Variants in MARK3 observed in about 807,000 individuals in gnomAD.
MARK3 encodes the protein MAP/microtubule affinity-regulating kinase 3.
MARK3 carries 46 observed loss-of-function variants against 90.1 expected under a neutral mutation model. The ratio of observed to expected loss-of-function variants is 0.51; its 90% CI spans 0.40 to 0.65. The LOEUF (loss-of-function observed/expected upper bound fraction) is 0.65. MARK3 is among the 30% of genes least tolerant of loss of function. MARK3 has a pLI of 0.00. For synonymous variants in MARK3, 321 were observed against 332.6 expected (o/e 0.97, Z 0.38); for missense variants, 818 against 947.2 (o/e 0.86, Z 1.79).
In MARK3 at chr14:103,444,561, G is replaced by A. The variant is rs573688234; in HGVS notation, c.298-4358G>A. On this transcript the variant is annotated intron_variant, in intron 3 of 17. Transcript: ENST00000429436. ...TGGGAGGCCGAGGCGGGCGGATCAC[G>A]AGGTCAGGAGATCGAGACCATCCTG... 4.1e-3 allele frequency among the ~76,000 whole-genome samples: 625 copies of A among 152,198 alleles called. 7 individuals are homozygous for A. The highest frequency in any genetic ancestry group is 0.014 in the African/African-American group (596 of 41,538).
At chr14:103,464,014 A>C (rs1165882386) in intron 7 of MARK3, among the ~76,000 whole-genome samples, 1 of 152,146 alleles carries the variant, frequency 6.6e-6, no homozygotes, top group East Asian at 1.9e-4. Flanking sequence ...CACATCCATT[A>C]TGATCAGATG....
chr14:103,463,273 C>A (rs572455386), intron 7 of MARK3, among the ~76,000 whole-genome samples: 1 of 151,930 alleles, frequency 6.6e-6, no homozygotes, highest in Non-Finnish European at 1.5e-5. Flanking sequence ...TTGGCACTCA[C>A]TTTCACTCTC....
chr14:103,438,150 G>A (rs1364449347), intron 3 of MARK3, among the ~76,000 whole-genome samples: 10 of 152,086 alleles, frequency 6.6e-5, no homozygotes, highest in African/African-American at 1.9e-4. Context: ...ACAGGCACCC[G>A]CCACCACGCC....
At chr14:103,407,052 C>G (rs979362479) in intron 2 of MARK3, among the ~76,000 whole-genome samples, 2 of 152,004 alleles carry the variant, frequency 1.3e-5, no homozygotes, top group Admixed American at 6.6e-5. Flanking sequence ...CCAGGATGGT[C>G]TCGATCTCAT....
chr14:103,459,107 C>A (rs1376417242), intron 6 of MARK3, among the ~76,000 whole-genome samples: 1 of 152,138 alleles, frequency 6.6e-6, no homozygotes, highest in Non-Finnish European at 1.5e-5. Flanking sequence ...AAATTGGCCA[C>A]CTAAAAGGGA....
intron 15 of MARK3, among the ~76,000 whole-genome samples, chr14:103,492,762 G>A (rs1333619052): frequency 6.6e-6 from 1 of 152,028 alleles, no homozygotes; most frequent in Non-Finnish European, 1.5e-5. Flanking sequence ...CTTCATTTCC[G>A]TAACCTTGTT....
intron 2 of MARK3, chr14:103,412,433 G>GAAGCCA: frequency 1.7e-6 from 1 of 573,956 alleles, no homozygotes; most frequent in Non-Finnish European, 3.1e-6. Context: ...CAGAGACTCT[G>GAAGCCA]AAGCCAAAAA....
chr14:103,465,928 A>G (rs750878453), intron 8 of MARK3, 44 bp from the exon 9 acceptor site: 29 of 1,594,528 alleles, frequency 1.8e-5, no homozygotes, highest in South Asian at 5.7e-5. Flanking sequence ...AACTAAACCT[A>G]AAGGTTGACT....
intron 3 of MARK3, among the ~76,000 whole-genome samples, chr14:103,431,986 C>G (rs1038161328): frequency 6.6e-6 from 1 of 151,882 alleles, no homozygotes; most frequent in Non-Finnish European, 1.5e-5. Flanking sequence ...TCCCCCCTCC[C>G]ACCTGAATTT....
Position 103,479,628 on chromosome 14 carries a change from C to CTTTTTTTTTTTTTTTTTTTTTTTTT in MARK3, c.1483-738_1483-737insTTTTTTTTTTTTTTTTTTTTTTTTT, listed in dbSNP as rs34768749. On this transcript the variant is annotated intron_variant, in intron 13 of 17. Coordinates refer to ENST00000429436, the MANE Select transcript of MARK3 (RefSeq NM_001128918.3). ...ATGTGTTTCTTGGCCATACGTATAG[C>CTTTTTTTTTTTTTTTTTTTTTTTTT]TTTTTTTTTTTTTTTTTTTTTGAGA... Among the ~76,000 whole-genome samples the CTTTTTTTTTTTTTTTTTTTTTTTTT allele has an allele frequency of 5.1e-5, 4 of 78,238 alleles. 2 individuals carry two copies. Among genetic ancestry groups the CTTTTTTTTTTTTTTTTTTTTTTTTT allele is most frequent in the African/African-American group, 1.1e-4 (2 of 18,960 alleles). 51.3% of individuals were successfully genotyped at this position (78,238 alleles called of 152,430 possible).
intron 12 of MARK3, among the ~76,000 whole-genome samples, chr14:103,472,379 C>T (rs546101139): frequency 2.2e-4 from 34 of 151,926 alleles, no homozygotes; most frequent in Non-Finnish European, 2.6e-4. Context: ...AATTTCTGGC[C>T]GGTCGCATAA....
chr14:103,438,588 CTAAAT>C (rs1348385051), intron 3 of MARK3, among the ~76,000 whole-genome samples: 1 of 152,148 alleles, frequency 6.6e-6, no homozygotes, highest in Non-Finnish European at 1.5e-5. Flanking sequence ...CATTTTAACA[CTAAAT>C]TAATTTTTCC....
chr14:103,416,037 T>A (rs934420548), intron 2 of MARK3, among the ~76,000 whole-genome samples: 1 of 152,246 alleles, frequency 6.6e-6, no homozygotes, highest in East Asian at 1.9e-4. Flanking sequence ...GTAAGTATTG[T>A]TGAGCTTTGG....
chr14:103,459,838 C>T (rs2093358918), intron 6 of MARK3, among the ~76,000 whole-genome samples: 1 of 151,672 alleles, frequency 6.6e-6, no homozygotes, highest in Admixed American at 6.6e-5. Context: ...TTTCTAGGAG[C>T]TTATAAGTCA....
intron 3 of MARK3, among the ~76,000 whole-genome samples, chr14:103,432,241 A>G (rs985092268): frequency 6.6e-6 from 1 of 152,248 alleles, no homozygotes; most frequent in Non-Finnish European, 1.5e-5. Flanking sequence ...TCTTAAATCT[A>G]GACTGAGTAG....
At chr14:103,403,326 T>TTGTGTGTGTGTGTGTG (rs59913493) in intron 1 of MARK3, among the ~76,000 whole-genome samples, 2 of 138,460 alleles carry the variant, frequency 1.4e-5, no homozygotes, top group Non-Finnish European at 3.1e-5. Flanking sequence ...TAGTGCCTGG[T>TTGTGTGTGTGTGTGTG]TGTGTGTGTG....
chr14:103,386,189 AG>A (rs1213486732), intron 1 of MARK3, 109 bp downstream of exon 1: 36 of 1,080,202 alleles, frequency 3.3e-5, no homozygotes, highest in Non-Finnish European at 2.7e-5. Context: ...CTGGAAATAG[AG>A]GGCAGGCCGT....
At chr14:103,470,781 AT>A (rs2093613683) in intron 12 of MARK3, among the ~76,000 whole-genome samples, 1 of 151,844 alleles carries the variant, frequency 6.6e-6, no homozygotes, top group South Asian at 2.1e-4. Flanking sequence ...TTCTCTGGAC[AT>A]TTTCCATCTT....
At chr14:103,390,214 C>G (rs895142774) in intron 1 of MARK3, among the ~76,000 whole-genome samples, 1 of 152,080 alleles carries the variant, frequency 6.6e-6, no homozygotes, top group Admixed American at 6.6e-5. Context: ...CGCCACTGCA[C>G]TCCAGCCTGG....
Sources: allele counts gnomAD v4.1 joint callset (sites outside exome capture counted in the v4.1 genomes callset), GRCh38; gene constraint gnomAD v4.1.1; transcripts MANE v1.5; gene names NCBI Gene and HGNC (gene_info 2026-07-23, HGNC 2026-07-21).